Variants in FAT3 observed in about 807,000 individuals in gnomAD.
FAT3 encodes the protein FAT atypical cadherin 3.
FAT3 carries 95 observed loss-of-function variants against 310.2 expected under a neutral mutation model. That is an observed-to-expected ratio of 0.31 (90% CI 0.26 to 0.36). The LOEUF (loss-of-function observed/expected upper bound fraction) is 0.36. FAT3 is among the 10% of genes least tolerant of loss of function. The pLI is 1.00. For synonymous variants in FAT3, 2,314 were observed against 2,192.9 expected, an observed-to-expected ratio of 1.06 and a Z score of -1.54; for missense variants, 5,408 against 5,715.6, an observed-to-expected ratio of 0.95 and a Z score of 1.74.
At chr11:92,363,918 T>C (rs1248710004) in intron 2 of FAT3, among the ~76,000 whole-genome samples, 1 of 152,162 alleles carries the variant, frequency 6.6e-6, no homozygotes, top group Non-Finnish European at 1.5e-5. Flanking sequence ...GATTAGAAGC[T>C]TCTGGAAAAT....
At chr11:92,451,638 A>G (rs529349309) in intron 2 of FAT3, among the ~76,000 whole-genome samples, 13 of 152,290 alleles carry the variant, frequency 8.5e-5, no homozygotes, top group Admixed American at 7.2e-4. Context: ...GACTGTAGAT[A>G]TTTCCATGAA....
intron 2 of FAT3, among the ~76,000 whole-genome samples, chr11:92,436,712 C>T (rs1414234961): frequency 6.6e-6 from 1 of 152,096 alleles, no homozygotes. Context: ...GGCTCGATGC[C>T]CTGTGCCAGC....
intron 3 of FAT3, among the ~76,000 whole-genome samples, chr11:92,572,670 G>T (rs1343094405): frequency 6.6e-6 from 1 of 152,166 alleles, no homozygotes; most frequent in Non-Finnish European, 1.5e-5. Flanking sequence ...GTACATTGAG[G>T]TGCTTTTAAC....
At chr11:92,452,387 GA>G (rs1466582736) in intron 2 of FAT3, among the ~76,000 whole-genome samples, 1 of 152,118 alleles carries the variant, frequency 6.6e-6, no homozygotes, top group Non-Finnish European at 1.5e-5. Context: ...TAACTTCAAG[GA>G]AATGATCTGG....
At chr11:92,836,454 T>G (rs1948410862) in intron 15 of FAT3, 112 bp from the exon 16 acceptor site, 5 of 1,241,734 alleles carry the variant, frequency 4.0e-6, no homozygotes, top group South Asian at 3.4e-5. Flanking sequence ...AGAGCAGAGC[T>G]CCCGAGAAAA....
At chr11:92,618,969 C>T (rs1045259917) in intron 3 of FAT3, among the ~76,000 whole-genome samples, 3 of 152,120 alleles carry the variant, frequency 2.0e-5, no homozygotes, top group Admixed American at 2.0e-4. Flanking sequence ...TATAATTTAG[C>T]TGTGCGTTTT....
At chr11:92,343,452 T>A (rs568850787) in intron 1 of FAT3, among the ~76,000 whole-genome samples, 1 of 152,218 alleles carries the variant, frequency 6.6e-6, no homozygotes, top group South Asian at 2.1e-4. Context: ...CACAGAGAGG[T>A]GAAATATGAC....
At chr11:92,625,739 CTTT>C (rs5793614) in intron 3 of FAT3, among the ~76,000 whole-genome samples, 1 of 146,686 alleles carries the variant, frequency 6.8e-6, no homozygotes, top group Non-Finnish European at 1.5e-5. Flanking sequence ...TGTCCTTCAA[CTTT>C]TTTTTTTTTT....
chr11:92,325,034 G>A (rs991338854), intron 1 of FAT3, among the ~76,000 whole-genome samples: 3 of 152,214 alleles, frequency 2.0e-5, no homozygotes, highest in African/African-American at 7.2e-5. Context: ...AAACATGCTA[G>A]TTAAATTATG....
chr11:92,629,729 A>G (rs1421937869), intron 3 of FAT3, among the ~76,000 whole-genome samples: 1 of 152,132 alleles, frequency 6.6e-6, no homozygotes, highest in Non-Finnish European at 1.5e-5. Context: ...CTTCTTCAGC[A>G]CCAACCTATA....
intron 4 of FAT3, among the ~76,000 whole-genome samples, chr11:92,717,856 A>G (rs1408548611): frequency 6.6e-6 from 1 of 152,168 alleles, no homozygotes; most frequent in Admixed American, 6.5e-5. Context: ...AATAAAAATC[A>G]CCAGCCATGA....
At chr11:92,464,817 A>T (rs1449043500) in intron 2 of FAT3, among the ~76,000 whole-genome samples, 1 of 152,198 alleles carries the variant, frequency 6.6e-6, no homozygotes, top group Non-Finnish European at 1.5e-5. Context: ...CATTAAGCTT[A>T]TCTGGCTTTG....
Position 92,371,487 on chromosome 11 carries a change from G to A in FAT3, c.3292+16083G>A, listed in dbSNP as rs551616061. On this transcript the variant is annotated intron_variant, in intron 2 of 27. Transcript: ENST00000525166. ...ATCCCAGCACTTTGGGAAGCGAGGC[G>A]GGTGGATCACTTGAGTCCAGGAGTT... Among the ~76,000 whole-genome samples, 6 of 152,296 alleles carry A rather than the reference G, an allele frequency of 3.9e-5. No homozygotes were observed. The South Asian group carries it at 6.2e-4, about 16-fold the overall frequency.
At chr11:92,888,829 C>T (rs1027342908) in intron 25 of FAT3, among the ~76,000 whole-genome samples, 2 of 152,154 alleles carry the variant, frequency 1.3e-5, no homozygotes, top group African/African-American at 4.8e-5. Context: ...CTCTGAGAGC[C>T]TTTGGGAGTT....
chr11:92,778,816 C>G (rs371685267), intron 7 of FAT3, among the ~76,000 whole-genome samples: 44 of 152,242 alleles, frequency 2.9e-4, no homozygotes, highest in African/African-American at 1.1e-3. Context: ...CTCCCCAGCT[C>G]TGTCACCGGG....
At chr11:92,842,519 A>G (rs1388802362) in intron 18 of FAT3, among the ~76,000 whole-genome samples, 1 of 152,218 alleles carries the variant, frequency 6.6e-6, no homozygotes, top group Non-Finnish European at 1.5e-5. Context: ...TGAATTTTAC[A>G]TTCCAGCATC....
intron 2 of FAT3, among the ~76,000 whole-genome samples, chr11:92,440,899 A>G (rs568046694): frequency 6.6e-6 from 1 of 152,304 alleles, no homozygotes; most frequent in East Asian, 1.9e-4. Context: ...ATGTGCCCTC[A>G]GGTACATTCC....
chr11:92,763,522 G>T (rs1304951135), intron 5 of FAT3, among the ~76,000 whole-genome samples: 1 of 152,076 alleles, frequency 6.6e-6, no homozygotes, highest in African/African-American at 2.4e-5. Context: ...ATGGCTCACA[G>T]CTGCCCTGTT....
chr11:92,855,863 G>A (rs1414387749), intron 19 of FAT3, among the ~76,000 whole-genome samples: 1 of 152,040 alleles, frequency 6.6e-6, no homozygotes, highest in African/African-American at 2.4e-5. Context: ...TGAGTTTGCT[G>A]GTGCTACTTA....
Sources: allele counts gnomAD v4.1 joint callset (sites outside exome capture counted in the v4.1 genomes callset), GRCh38; gene constraint gnomAD v4.1.1; transcripts MANE v1.5; gene names NCBI Gene and HGNC (gene_info 2026-07-23, HGNC 2026-07-21).